DIDO1: variants seen among roughly 807,000 people sequenced by gnomAD.
DIDO1 encodes the protein death inducer-obliterator 1.
A neutral mutation model predicts 99.4 loss-of-function variants in DIDO1; 16 were observed. That is an observed-to-expected ratio of 0.16 (90% CI 0.11 to 0.24). The LOEUF is 0.24. DIDO1 is among the 10% of genes least tolerant of loss of function. The pLI, the probability that DIDO1 is intolerant of heterozygous loss-of-function variation, is 1.00. For synonymous variants in DIDO1, 1,366 were observed against 1,239.1 expected (o/e 1.10, Z -2.15); for missense variants, 2,996 against 3,014.0 (o/e 0.99, Z 0.14).
In DIDO1 at chr20:62,879,961, A is replaced by G. The variant is rs1373879331; in HGVS notation, c.5995T>C (p.Ser1999Pro). Residue 1999 changes from serine to proline, a missense_variant, in exon 16 of 16, where the codon TCT (serine) becomes CCT (proline). Physicochemically the swap from Ser to Pro is moderately conservative, Grantham distance 74. Coordinates refer to ENST00000395343, the MANE Select transcript of DIDO1 (RefSeq NM_001193369.2). The surrounding 1 kb of genome is among the most constrained non-coding windows in gnomAD (Gnocchi z 6.3). ...GAAGGGGTCTGCTCATTTTTTTCAG[A>G]AAAGGGTGCGGACCCCCGTAGTCCA... ...FGGLRGSAPF[S>P]EKNEQTPSRF... is the part of the protein sequence containing the mutation. 3.7e-6 allele frequency: 6 copies of G among 1,603,188 alleles called. No homozygotes were observed. Among genetic ancestry groups the G allele is most frequent in the Non-Finnish European group, 5.1e-6 (6 of 1,177,226 alleles).
At chr20:62,892,780 A>G (rs1458246029) in intron 13 of DIDO1, 29 bp downstream of exon 13, 1 of 1,595,778 alleles carries the variant, frequency 6.3e-7, no homozygotes, top group Non-Finnish European at 8.6e-7. Flanking sequence ...AAAGACACAC[A>G]CACGCACACA....
chr20:62,895,005 A>G, intron 9 of DIDO1, 44 bp downstream of exon 9: 1 of 1,597,650 alleles, frequency 6.3e-7, no homozygotes, highest in Non-Finnish European at 8.6e-7. Flanking sequence ...ATTTCTATTA[A>G]GCTCGAGTCC....
rs756695576 is a variant in DIDO1, at chr20:62,881,903, C to T, written c.4053G>A (p.Glu1351=). ...GLPQEPKTTA[E]DGVPAPPLLD... The stretch of plus-strand genomic sequence containing the variant: ...ACAACGGAGGTGCCGGCACCCCGTC[C>T]TCTGCTGTGGTTTTGGGCTCCTGGG... The change falls in exon 16 of 16, where the codon GAG becomes GAA. Residue 1351 remains glutamate, a synonymous_variant. Transcript: ENST00000395343. This position sits in a 1 kb window ranked among gnomAD's most constrained non-coding sequence, Gnocchi z 8.3. The T allele has an allele frequency of 1.5e-5, 24 of 1,613,498 alleles. No individual in the cohort carries two copies. Among genetic ancestry groups the T allele is most frequent in the Non-Finnish European group, 1.9e-5 (22 of 1,180,034 alleles).
chr20:62,881,606 G>T lies in DIDO1; in HGVS notation c.4350C>A (p.Ala1450=), dbSNP rs200558964. The part of the protein sequence containing the change: ...TVDDLPNRMC[A]DVRRNSVERP... ...TCTCCACGGAGTTCCTTCTCACGTC[G>T]GCACACATCCTGTTGGGCAGGTCAT... is the stretch of plus-strand genomic sequence containing the variant. The change falls in exon 16 of 16, where the codon GCC becomes GCA. Residue 1450 remains alanine, a synonymous_variant. Coordinates refer to ENST00000395343, the MANE Select transcript of DIDO1 (RefSeq NM_001193369.2). This position sits in a 1 kb window ranked among gnomAD's most constrained non-coding sequence, Gnocchi z 8.3. The T allele has an allele frequency of 6.2e-7, 1 of 1,612,124 alleles. No individual in the cohort carries two copies. The highest frequency in any genetic ancestry group is 1.7e-5 in the Admixed American group (1 of 60,030).
rs2064151137 is a variant in DIDO1 at position 62,879,141 on chromosome 20, C to A, written c.*92G>T. 4 of 1,207,460 alleles carry A rather than the reference C, an allele frequency of 3.3e-6. No individual in the cohort carries two copies. In the East Asian group the frequency reaches 1.1e-4, roughly 34 times the overall value. 74.8% of individuals were successfully genotyped at this position (1,207,460 alleles called of 1,614,324 possible). A position where few individuals can be genotyped will look rare whatever the true frequency, so the allele number is the denominator to read the frequency against. On this transcript the variant is annotated 3_prime_UTR_variant, in exon 16 of 16. Coordinates refer to ENST00000395343, the MANE Select transcript of DIDO1 (RefSeq NM_001193369.2). The surrounding 1 kb of genome is among the most constrained non-coding windows in gnomAD (Gnocchi z 6.3). ...ATGTTTAAGTCCAGAATATTCTATC[C>A]TGAATCTAAGATCGTGGCTATTTCA...
At chr20:62,922,838 T>C (rs2065181634) in intron 1 of DIDO1, among the ~76,000 whole-genome samples, 1 of 152,322 alleles carries the variant, frequency 6.6e-6, no homozygotes, top group African/African-American at 2.4e-5. Context: ...GGTGACATAC[T>C]GTTCTCATGG....
intron 15 of DIDO1, among the ~76,000 whole-genome samples, chr20:62,885,814 G>A (rs1050304928): frequency 6.6e-6 from 1 of 152,244 alleles, no homozygotes; most frequent in Non-Finnish European, 1.5e-5. Flanking sequence ...TTCGTGGAAG[G>A]AGCAGTGCAC....
Position 62,894,705 on chromosome 20 carries a change from C to A in DIDO1, c.2436+105G>T. The A allele has an allele frequency of 1.4e-6, 2 of 1,410,348 alleles. No individual in the cohort carries two copies. Among genetic ancestry groups the A allele is most frequent in the South Asian group, 1.3e-5 (1 of 76,932 alleles). 87.4% of individuals were successfully genotyped at this position (1,410,348 alleles called of 1,614,324 possible). On this transcript the variant is annotated intron_variant, in intron 10 of 15. Coordinates refer to ENST00000395343, the MANE Select transcript of DIDO1 (RefSeq NM_001193369.2). The surrounding 1 kb of genome is among the most constrained non-coding windows in gnomAD (Gnocchi z 4.4). ...GACTGAGGAATGCCACAATGACATA[C>A]ACCTGCTGTAAGCTCAGGTCCTGCC... is the stretch of plus-strand genomic sequence containing the variant.
At chr20:62,885,284 T>C (rs1292640703) in intron 15 of DIDO1, among the ~76,000 whole-genome samples, 2 of 152,018 alleles carry the variant, frequency 1.3e-5, no homozygotes, top group Non-Finnish European at 1.5e-5. Flanking sequence ...GGGCCTCGTG[T>C]GGGGAAGTTA....
chr20:62,916,415 C>T (rs895172753), intron 1 of DIDO1, among the ~76,000 whole-genome samples: 2 of 152,186 alleles, frequency 1.3e-5, no homozygotes, highest in African/African-American at 4.8e-5. Context: ...CTTCCAAATG[C>T]TTGAATGGCG....
At chr20:62,891,462 G>A (rs554589606) in intron 14 of DIDO1, among the ~76,000 whole-genome samples, 67 of 152,190 alleles carry the variant, frequency 4.4e-4, no homozygotes, top group African/African-American at 1.5e-3. Context: ...TAGCCCTTTC[G>A]TGAACCTGAC....
chr20:62,885,077 A>T (rs1420148856), intron 15 of DIDO1, among the ~76,000 whole-genome samples: 14 of 152,236 alleles, frequency 9.2e-5, no homozygotes, highest in Admixed American at 9.2e-4. Flanking sequence ...TTCGGTTATG[A>T]AATTGGCTAT....
At position 62,893,671 on chromosome 20, in the gene DIDO1, A is replaced by G. The variant is rs762584448; in HGVS notation, c.3096T>C (p.Asn1032=). 6.3e-7 allele frequency: 1 copy of G among 1,598,016 alleles called. No individual in the cohort carries two copies. Among genetic ancestry groups the G allele is most frequent in the South Asian group, 1.1e-5 (1 of 90,430 alleles). ...ACCACACCTGAAGTACGCACCTGAT[A>G]TTTGGTGACGGAGGAACTGACAGGT... ...PRYLSVPPSP[N]ISTSESRSPP... Residue 1032 remains asparagine (N), a synonymous_variant, in exon 12 of 16, where the codon AAT becomes AAC. Coordinates refer to ENST00000395343, the MANE Select transcript of DIDO1 (RefSeq NM_001193369.2).
chr20:62,921,302 C>A (rs543203746), intron 1 of DIDO1, among the ~76,000 whole-genome samples: 1 of 152,180 alleles, frequency 6.6e-6, no homozygotes, highest in South Asian at 2.1e-4. Context: ...TGGGGTCTTC[C>A]CTGCTTTTTA....
intron 1 of DIDO1, among the ~76,000 whole-genome samples, chr20:62,932,499 C>A (rs1015375989): frequency 2.6e-5 from 4 of 152,260 alleles, no homozygotes; most frequent in South Asian, 2.1e-4. Flanking sequence ...CAAATCCTGA[C>A]CAGCCAGGTT....
At chr20:62,886,128 CCTGAGGGCTA>C (rs1287639851) in intron 15 of DIDO1, among the ~76,000 whole-genome samples, 10 of 152,234 alleles carry the variant, frequency 6.6e-5, no homozygotes, top group Non-Finnish European at 1.2e-4. Flanking sequence ...CCACCTTCCT[CCTGAGGGCTA>C]CTGAGGGCCT....
upstream of DIDO1, among the ~76,000 whole-genome samples, chr20:62,927,269 C>T (rs1262388603): frequency 1.3e-5 from 2 of 152,218 alleles, no homozygotes; most frequent in Non-Finnish European, 2.9e-5. Flanking sequence ...ACTCAAAGAA[C>T]GCATGGACAT....
intron 1 of DIDO1, among the ~76,000 whole-genome samples, chr20:62,921,429 T>C (rs542610719): frequency 4.6e-5 from 7 of 152,182 alleles, no homozygotes; most frequent in Non-Finnish European, 8.8e-5. Context: ...GTCAGGATCC[T>C]AGTGGCAGTG....
In DIDO1 at chr20:62,896,866, A is replaced by G. The variant is rs766454228; in HGVS notation, c.1719T>C (p.Phe573=). ...PRNLVPKKSS[F]ANVAAATPAI... The stretch of plus-strand genomic sequence containing the variant: ...CTGGTGTGGCTGCTGCCACATTAGC[A>G]AAAGAAGACTTCTTTGGCACGAGGT... The change falls in exon 7 of 16, where the codon TTT becomes TTC. Residue 573 remains phenylalanine (F), a synonymous_variant. Coordinates refer to ENST00000395343, the MANE Select transcript of DIDO1 (RefSeq NM_001193369.2). This position sits in a 1 kb window ranked among gnomAD's most constrained non-coding sequence, Gnocchi z 4.4. 21 of 1,614,128 alleles carry G rather than the reference A, an allele frequency of 1.3e-5. No homozygotes were observed. The African/African-American group carries it at 2.5e-4, about 19-fold the overall frequency.
Sources: allele counts gnomAD v4.1 joint callset (sites outside exome capture counted in the v4.1 genomes callset), GRCh38; gene constraint gnomAD v4.1.1; non-coding constraint Gnocchi (gnomAD v3.1); transcripts MANE v1.5; gene names NCBI Gene and HGNC (gene_info 2026-07-23, HGNC 2026-07-21).